AGBL4: variants seen among roughly 807,000 people sequenced by gnomAD.
The protein encoded by AGBL4 is cytosolic carboxypeptidase 6.
AGBL4 carries 58 observed loss-of-function variants against 66.4 expected under a neutral mutation model. The observed-to-expected ratio is 0.87, with a 90% CI of 0.71 to 1.09. The LOEUF (loss-of-function observed/expected upper bound fraction) is 1.09, where lower values mean the gene tolerates loss of function less well. AGBL4 is among the 50% of genes least tolerant of loss of function. AGBL4 has a pLI of 0.00. For missense variants in AGBL4, 579 were observed against 631.0 expected, an observed-to-expected ratio of 0.92 and a Z score of 0.88; for synonymous variants, 234 against 222.9, an observed-to-expected ratio of 1.05 and a Z score of -0.44.
At chr1:49,843,136 C>T (rs1417023839) in intron 2 of AGBL4, among the ~76,000 whole-genome samples, 1 of 152,098 alleles carries the variant, frequency 6.6e-6, no homozygotes, top group Admixed American at 6.5e-5. Context: ...GGTCCCTCCA[C>T]ATCAATAACA....
intron 4 of AGBL4, among the ~76,000 whole-genome samples, chr1:49,195,185 T>G (rs1647204989): frequency 6.6e-6 from 1 of 152,154 alleles, no homozygotes; most frequent in African/African-American, 2.4e-5. Context: ...TTTTGCGGAG[T>G]TCTGTTATGT....
At chr1:49,849,638 T>C (rs1646256527) in intron 2 of AGBL4, among the ~76,000 whole-genome samples, 1 of 152,008 alleles carries the variant, frequency 6.6e-6, no homozygotes, top group Non-Finnish European at 1.5e-5. Flanking sequence ...CTACTGCAAG[T>C]CTCATGTATT....
At chr1:49,758,666 C>T (rs943223433) in intron 2 of AGBL4, among the ~76,000 whole-genome samples, 3 of 151,594 alleles carry the variant, frequency 2.0e-5, no homozygotes, top group Non-Finnish European at 2.9e-5. Flanking sequence ...GGAATGAGAA[C>T]ATTTACCCAA....
intron 1 of AGBL4, among the ~76,000 whole-genome samples, chr1:49,917,251 TA>T (rs1651635059): frequency 6.6e-6 from 1 of 151,962 alleles, no homozygotes. Flanking sequence ...ACCTTAAATG[TA>T]AATGGAATAA....
At chr1:49,054,467 G>A (rs2374913) in intron 4 of AGBL4, among the ~76,000 whole-genome samples, 82,120 of 151,744 alleles carry the variant, frequency 0.54, 23,000 homozygotes, top group Middle Eastern at 0.62. Context: ...TGAAAACAAT[G>A]TACTTGTTAA....
At chr1:49,471,066 C>G (rs1646733175) in intron 3 of AGBL4, among the ~76,000 whole-genome samples, 1 of 151,984 alleles carries the variant, frequency 6.6e-6, no homozygotes. Flanking sequence ...AATCTAATAT[C>G]TTTGAAAAAT....
At position 49,348,420 on chromosome 1, in the gene AGBL4, C is replaced by CA. The variant is rs1022475459; in HGVS notation, c.283-102557dup. Among the ~76,000 whole-genome samples the CA allele has an allele frequency of 5.5e-3, 710 of 129,614 alleles. 8 individuals carry two copies. Among genetic ancestry groups the CA allele is most frequent in the East Asian group, 0.018 (82 of 4,510 alleles). 85.0% of individuals were successfully genotyped at this position (129,614 alleles called of 152,430 possible). On this transcript the variant is annotated intron_variant, in intron 3 of 13. Transcript: ENST00000371839. ...TGGGTGACAGAGCGACACTCCGTCT[C>CA]AAAAAAAAAAATAAAAATAAAAAAA...
chr1:49,391,984 T>C (rs1371867198), intron 3 of AGBL4, among the ~76,000 whole-genome samples: 1 of 152,102 alleles, frequency 6.6e-6, no homozygotes, highest in Non-Finnish European at 1.5e-5. Flanking sequence ...GAGCACATGA[T>C]GTGTGTAACC....
chr1:49,534,171 C>CAAAAAAAAAAAAAAAAAAAAAA (rs71059553), intron 3 of AGBL4, among the ~76,000 whole-genome samples: 2 of 67,048 alleles, frequency 3.0e-5, no homozygotes, highest in Non-Finnish European at 5.2e-5. Flanking sequence ...CACCATTTTA[C>CAAAAAAAAAAAAAAAAAAAAAA]AAAAAAAAAA....
intron 3 of AGBL4, among the ~76,000 whole-genome samples, chr1:49,682,978 T>C (rs1646724475): frequency 6.6e-6 from 1 of 152,192 alleles, no homozygotes; most frequent in Admixed American, 6.5e-5. Flanking sequence ...AGAAAGGTTC[T>C]ACTTCACAAC....
intron 1 of AGBL4, among the ~76,000 whole-genome samples, chr1:49,937,100 A>G (rs896308585): frequency 5.1e-4 from 78 of 152,294 alleles, no homozygotes; most frequent in African/African-American, 1.7e-3. Flanking sequence ...AACCCATCTC[A>G]TGTGCAGAGA....
chr1:49,409,040 C>T (rs577843049), intron 3 of AGBL4, among the ~76,000 whole-genome samples: 6 of 152,234 alleles, frequency 3.9e-5, no homozygotes, highest in African/African-American at 1.2e-4. Context: ...ATACCCTAGT[C>T]ACATAATGCC....
intron 6 of AGBL4, chr1:48,776,592 G>T: frequency 1.0e-6 from 1 of 975,260 alleles, no homozygotes. Flanking sequence ...GTCCCTCCCC[G>T]CCCGCTTGCT....
At chr1:49,118,154 A>T (rs112626949) in intron 4 of AGBL4, among the ~76,000 whole-genome samples, 1 of 152,192 alleles carries the variant, frequency 6.6e-6, no homozygotes, top group African/African-American at 2.4e-5. Flanking sequence ...TGATCATGTC[A>T]TCTGCAAACA....
rs386366923 is a variant in AGBL4 at position 48,590,406 on chromosome 1, C to CAAAA, written c.1104+423_1104+426dup. 5.1e-3 allele frequency among the ~76,000 whole-genome samples: 482 copies of CAAAA among 93,596 alleles called. 6 individuals are homozygous for CAAAA. The highest frequency in any genetic ancestry group is 0.019 in the African/African-American group (443 of 23,672). 61.4% of individuals were successfully genotyped at this position (93,596 alleles called of 152,430 possible). ...GGGCAATAAGAGTGAAACTCAGTCTCAAAAAAAAAAAAAAAAAAATTAGCC... is the reference window on the plus strand; with the variant it reads ...GGGCAATAAGAGTGAAACTCAGTCTCAAAAAAAAAAAAAAAAAAAAAAATTAGCC... On this transcript the variant is annotated intron_variant, in intron 10 of 13. Coordinates refer to ENST00000371839, the MANE Select transcript of AGBL4 (RefSeq NM_032785.4).
intron 4 of AGBL4, among the ~76,000 whole-genome samples, chr1:49,211,417 C>T (rs188288437): frequency 1.4e-4 from 22 of 152,174 alleles, no homozygotes; most frequent in Non-Finnish European, 2.8e-4. Flanking sequence ...TCAACAGGAT[C>T]ACAACAACTC....
chr1:48,755,288 G>A (rs536001614), intron 6 of AGBL4, among the ~76,000 whole-genome samples: 1 of 152,198 alleles, frequency 6.6e-6, no homozygotes, highest in Admixed American at 6.5e-5. Flanking sequence ...TCTACCATTC[G>A]TAGGACCCCA....
intron 5 of AGBL4, among the ~76,000 whole-genome samples, chr1:48,921,053 G>T (rs548308216): frequency 3.7e-4 from 56 of 152,310 alleles, no homozygotes; most frequent in African/African-American, 1.3e-3. Context: ...TGGTGTTTTC[G>T]GCATCCATTT....
chr1:48,766,044 A>C (rs1644512842), intron 6 of AGBL4, among the ~76,000 whole-genome samples: 1 of 152,204 alleles, frequency 6.6e-6, no homozygotes, highest in Non-Finnish European at 1.5e-5. Flanking sequence ...ACTCACTTGC[A>C]CACACTTTAA....
Sources: allele counts gnomAD v4.1 joint callset (sites outside exome capture counted in the v4.1 genomes callset), GRCh38; gene constraint gnomAD v4.1.1; transcripts MANE v1.5; gene names NCBI Gene and HGNC (gene_info 2026-07-23, HGNC 2026-07-21).